The following MAGI1 variants were observed in gnomAD, a reference collection of about 807,000 sequenced individuals.
MAGI1 encodes the protein membrane-associated guanylate kinase, WW and PDZ domain-containing protein 1.
MAGI1 carries 58 observed loss-of-function variants against 139.9 expected under a neutral mutation model. The observed-to-expected ratio is 0.41, with a 90% CI of 0.34 to 0.52. The LOEUF (loss-of-function observed/expected upper bound fraction) is 0.52, where lower values mean the gene tolerates loss of function less well. Among genes scored for constraint, MAGI1 ranks in the 20% least tolerant of loss-of-function variants. The pLI, the probability that MAGI1 is intolerant of heterozygous loss-of-function variation, is 0.12. For missense variants in MAGI1, 1,874 were observed against 1,901.6 expected (o/e 0.99, Z 0.27); for synonymous variants, 812 against 737.9 (o/e 1.10, Z -1.63).
intron 2 of MAGI1, among the ~76,000 whole-genome samples, chr3:65,560,465 T>C (rs548835877): frequency 1.3e-5 from 2 of 152,348 alleles, no homozygotes; most frequent in South Asian, 4.1e-4. Flanking sequence ...TAGGGAATTT[T>C]TTAAATGTAC....
intron 1 of MAGI1, among the ~76,000 whole-genome samples, chr3:65,928,589 T>G (rs1203958046): frequency 6.6e-6 from 1 of 152,066 alleles, no homozygotes; most frequent in Non-Finnish European, 1.5e-5. Flanking sequence ...TAACTTTGAG[T>G]TAGTTGCTGT....
rs147693170 is a variant in MAGI1 at position 65,842,085 on chromosome 3, A to G, written c.313+195911T>C. ...CCTGCTCCAGACCTCCACTATATGA[A>G]GAGTATTGACTCAAATTTTTACTGC... On this transcript the variant is annotated intron_variant, in intron 1 of 22. Transcript: ENST00000402939. Among the ~76,000 whole-genome samples, 875 of 152,322 alleles carry G rather than the reference A, an allele frequency of 5.7e-3. 9 individuals carry two copies. The highest frequency in any genetic ancestry group is 9.7e-3 in the South Asian group (47 of 4,826).
At chr3:65,850,835 G>A (rs1375595997) in intron 1 of MAGI1, among the ~76,000 whole-genome samples, 1 of 152,106 alleles carries the variant, frequency 6.6e-6, no homozygotes, top group Admixed American at 6.5e-5. Flanking sequence ...AGCACGGCGT[G>A]GTGGCTCACA....
intron 1 of MAGI1, among the ~76,000 whole-genome samples, chr3:65,787,298 T>C (rs1204399617): frequency 6.6e-6 from 1 of 152,022 alleles, no homozygotes; most frequent in Non-Finnish European, 1.5e-5. Flanking sequence ...CTCGAGTTTA[T>C]AAGCCACTGG....
At chr3:65,854,925 A>C (rs1169586613) in intron 1 of MAGI1, among the ~76,000 whole-genome samples, 1 of 152,226 alleles carries the variant, frequency 6.6e-6, no homozygotes, top group Non-Finnish European at 1.5e-5. Context: ...TCCCCTAATC[A>C]AGGGCTGCAA....
At chr3:65,835,030 C>T (rs1203068268) in intron 1 of MAGI1, among the ~76,000 whole-genome samples, 6 of 152,272 alleles carry the variant, frequency 3.9e-5, no homozygotes, top group Admixed American at 1.3e-4. Context: ...TTTTAGTCCA[C>T]GCTGCCAATC....
chr3:65,686,293 T>C (rs1397609299), intron 1 of MAGI1, among the ~76,000 whole-genome samples: 1 of 151,410 alleles, frequency 6.6e-6, no homozygotes, highest in Non-Finnish European at 1.5e-5. Context: ...GGGTGTTTTT[T>C]TGTTTGTTTG....
chr3:65,458,221 T>A (rs1949529109), intron 5 of MAGI1, among the ~76,000 whole-genome samples: 1 of 152,162 alleles, frequency 6.6e-6, no homozygotes, highest in Admixed American at 6.5e-5. Context: ...TCAGGTTGTT[T>A]CCAAATCATG....
chr3:65,844,496 C>A, intron 1 of MAGI1: 1 of 317,418 alleles, frequency 3.2e-6, no homozygotes, highest in Non-Finnish European at 6.0e-6. Flanking sequence ...GTCTCGAGAA[C>A]ACTACAAGCT....
chr3:65,702,217 G>T (rs2089664728), intron 1 of MAGI1, among the ~76,000 whole-genome samples: 1 of 152,024 alleles, frequency 6.6e-6, no homozygotes, highest in Non-Finnish European at 1.5e-5. Flanking sequence ...TTTTTTAAGT[G>T]TCAGCTTATA....
At chr3:65,492,761 G>A (rs925695472) in intron 3 of MAGI1, among the ~76,000 whole-genome samples, 5 of 152,122 alleles carry the variant, frequency 3.3e-5, no homozygotes, top group African/African-American at 4.8e-5. Context: ...AATCAGGCAG[G>A]TGGGAGACAG....
At chr3:65,462,654 G>A (rs1949887464) in intron 5 of MAGI1, among the ~76,000 whole-genome samples, 1 of 152,182 alleles carries the variant, frequency 6.6e-6, no homozygotes, top group Admixed American at 6.5e-5. Context: ...ATTCTGTGAA[G>A]AAAGTCAATG....
At chr3:65,399,401 G>A (rs932507653) in intron 13 of MAGI1, among the ~76,000 whole-genome samples, 3 of 152,182 alleles carry the variant, frequency 2.0e-5, no homozygotes, top group Non-Finnish European at 4.4e-5. Flanking sequence ...ACTGATCACA[G>A]ATGTTAGCAG....
chr3:65,833,797 T>G (rs2042658235), intron 1 of MAGI1, among the ~76,000 whole-genome samples: 1 of 152,244 alleles, frequency 6.6e-6, no homozygotes. Flanking sequence ...AAAAGTTTCC[T>G]TAATTGAGTA....
At chr3:65,548,016 TC>T (rs2079586128) in intron 2 of MAGI1, among the ~76,000 whole-genome samples, 1 of 152,160 alleles carries the variant, frequency 6.6e-6, no homozygotes, top group South Asian at 2.1e-4. Context: ...AAAACTACCA[TC>T]CCAGAGCTCC....
At chr3:65,441,927 C>CCAG in intron 8 of MAGI1, among the ~76,000 whole-genome samples, 1 of 152,130 alleles carries the variant, frequency 6.6e-6, no homozygotes, top group Non-Finnish European at 1.5e-5. Context: ...CTTTTCATCA[C>CCAG]CAGCAGCATA....
At position 65,382,054 on chromosome 3, in the gene MAGI1, T is replaced by C; in HGVS notation, c.2524A>G (p.Ile842Val). 1.9e-6 allele frequency: 3 copies of C among 1,611,704 alleles called. No individual in the cohort carries two copies. The highest frequency in any genetic ancestry group is 2.2e-5 in the East Asian group (1 of 44,832). ...EPGEPIYIGHIVPLGAADTDG... is the reference protein window; with the variant it reads ...EPGEPIYIGHVVPLGAADTDG... ...GTATCAGCAGCACCCAGTGGTACGA[T>C]GTGACCAATATAAATCTGTTGAGTA... The change falls in exon 16 of 23, where the codon ATC (isoleucine) becomes GTC (valine). Residue 842 changes from isoleucine (I) to valine (V), a missense_variant. Ile to Val is a conservative substitution (Grantham distance 29). Transcript: ENST00000402939.
At chr3:65,530,802 TATAC>T (rs71657874) in intron 2 of MAGI1, among the ~76,000 whole-genome samples, 197 of 62,574 alleles carry the variant, frequency 3.1e-3, no homozygotes, top group Middle Eastern at 7.8e-3. Context: ...TATATATATA[TATAC>T]ACACATATAT....
At chr3:65,993,243 T>C (rs2097902174) in intron 1 of MAGI1, among the ~76,000 whole-genome samples, 1 of 145,306 alleles carries the variant, frequency 6.9e-6, no homozygotes, top group African/African-American at 2.8e-5. Flanking sequence ...ACTCATTTTC[T>C]TTTTTTTGCT....
Sources: gnomAD v4.1 joint callset for allele counts (sites outside exome capture counted in the v4.1 genomes callset) on GRCh38, gnomAD v4.1.1 for gene constraint, MANE v1.5 for transcripts, NCBI Gene and HGNC (gene_info 2026-07-23, HGNC 2026-07-21) for gene names.